The following SGO1 variants were observed in gnomAD, a reference collection of about 807,000 sequenced individuals.
SGO1 encodes the protein serologically defined breast cancer antigen NY-BR-85.
In SGO1, 39 loss-of-function variants were observed where a neutral mutation model predicts 50.5. The ratio of observed to expected loss-of-function variants is 0.77; its 90% confidence interval spans 0.60 to 1.01. SGO1 has a LOEUF of 1.01. SGO1 is among the 50% of genes least tolerant of loss of function. SGO1 has a pLI of 0.00. For missense variants in SGO1, 638 were observed against 606.0 expected (o/e 1.05, Z -0.55); for synonymous variants, 191 against 205.1 (o/e 0.93, Z 0.59).
At chr3:20,178,594 T>G (rs933420924) in intron 3 of SGO1, among the ~76,000 whole-genome samples, 2 of 152,192 alleles carry the variant, frequency 1.3e-5, no homozygotes, top group African/African-American at 4.8e-5. Flanking sequence ...ATAAATGTCA[T>G]GAAGGAAATA....
chr3:20,162,117 G>A (rs911549680), intron 8 of SGO1, among the ~76,000 whole-genome samples: 9 of 152,250 alleles, frequency 5.9e-5, no homozygotes, highest in Middle Eastern at 3.4e-3. Context: ...AGTAATAGAC[G>A]GGAAAGAGCT....
At chr3:20,176,848 A>G (rs1395456972) in intron 4 of SGO1, among the ~76,000 whole-genome samples, 189 bp from the exon 5 acceptor site, 1 of 152,214 alleles carries the variant, frequency 6.6e-6, no homozygotes, top group South Asian at 2.1e-4. Context: ...CTGATTTGTT[A>G]TGACTGACAT....
chr3:20,171,696 C>G (rs117466143), intron 6 of SGO1, among the ~76,000 whole-genome samples: 1 of 152,160 alleles, frequency 6.6e-6, no homozygotes, highest in Non-Finnish European at 1.5e-5. Context: ...ATCAAGTCCT[C>G]TCTCTTTCAA....
chr3:20,174,009 T>C (rs140953331), intron 6 of SGO1, among the ~76,000 whole-genome samples: 3 of 152,298 alleles, frequency 2.0e-5, no homozygotes, highest in South Asian at 2.1e-4. Flanking sequence ...CCTAATTTAC[T>C]GAAAATAAAA....
chr3:20,163,762 A>C (rs1217100905), intron 8 of SGO1, among the ~76,000 whole-genome samples: 2 of 152,192 alleles, frequency 1.3e-5, no homozygotes, highest in Non-Finnish European at 2.9e-5. Context: ...GAATGAAAAG[A>C]GAGGAGGATA....
At chr3:20,173,358 T>C (rs1700994361) in intron 6 of SGO1, among the ~76,000 whole-genome samples, 1 of 152,164 alleles carries the variant, frequency 6.6e-6, no homozygotes, top group African/African-American at 2.4e-5. Context: ...CAGGCTGGTC[T>C]TGGACTCCTG....
chr3:20,169,085 A>G (rs1700470758), downstream of SGO1: 1 of 985,280 alleles, frequency 1.0e-6, no homozygotes, highest in Non-Finnish European at 1.2e-6. Context: ...GGGTGTATGA[A>G]TCAGTGATGT....
Position 20,170,691 on chromosome 3 carries a change from TC to T in SGO1, c.*12del. 6.4e-7 allele frequency: 1 copy of T among 1,558,522 alleles called. No homozygotes were observed. Among genetic ancestry groups the T allele is most frequent in the Admixed American group, 2.2e-5 (1 of 45,200 alleles). On this transcript the variant is annotated 3_prime_UTR_variant, in exon 8 of 8. Transcript: ENST00000412997. ...AGGTGTAGATTGAATTTAAACAATATCCAACAAAACCTTCATTGTATTTGTT... is the reference window on the plus strand; with the variant it reads ...AGGTGTAGATTGAATTTAAACAATATCAACAAAACCTTCATTGTATTTGTT...
Position 20,183,652 on chromosome 3 carries a change from A to G in SGO1, c.295T>C (p.Leu99=), listed in dbSNP as rs1234405818. The change falls in exon 3 of 8, where the codon TTG becomes CTG. Residue 99 remains leucine, a synonymous_variant. Transcript: ENST00000412997. ...TGTTGTGATGTAAGTTTTCCTTTCA[A>G]TGCATATAGCTGACATGTGAGATAG... ...CYYLTCQLYA[L]KGKLTSQQTV... is the part of the protein sequence containing the mutation. 1.2e-6 allele frequency: 2 copies of G among 1,603,860 alleles called. No individual in the cohort carries two copies. The highest frequency in any genetic ancestry group is 1.8e-5 in the Admixed American group (1 of 57,036).
At chr3:20,169,387 C>T, downstream of SGO1, 7 of 984,446 alleles carry the variant, frequency 7.1e-6, no homozygotes, top group Non-Finnish European at 7.2e-6. Flanking sequence ...AAAGAGAATA[C>T]CAAGGGGAGG....
intron 6 of SGO1, among the ~76,000 whole-genome samples, chr3:20,172,467 C>CTGTA (rs1210677964): frequency 7.2e-6 from 1 of 138,498 alleles, no homozygotes; most frequent in Non-Finnish European, 1.5e-5. Context: ...TGCCACTGCA[C>CTGTA]TGTAGCCTGG....
At chr3:20,167,122 G>C (rs1559345517), downstream of SGO1, among the ~76,000 whole-genome samples, 1 of 152,002 alleles carries the variant, frequency 6.6e-6, no homozygotes, top group Non-Finnish European at 1.5e-5. Context: ...AACAAATAAA[G>C]CAATGCAAAG....
At chr3:20,171,463 C>T (rs1305969524) in intron 6 of SGO1, among the ~76,000 whole-genome samples, 1 of 152,118 alleles carries the variant, frequency 6.6e-6, no homozygotes, top group Non-Finnish European at 1.5e-5. Flanking sequence ...TTCAGTCTTC[C>T]AAGTAGCTGG....
intron 6 of SGO1, among the ~76,000 whole-genome samples, chr3:20,172,808 A>C (rs1170665870): frequency 6.6e-6 from 1 of 150,876 alleles, no homozygotes; most frequent in African/African-American, 2.4e-5. Flanking sequence ...AAAAAAAAAA[A>C]AAAAAAAATT....
downstream of SGO1, chr3:20,168,941 A>C: frequency 2.0e-6 from 2 of 985,328 alleles, no homozygotes; most frequent in Middle Eastern, 5.2e-4. Flanking sequence ...CTGGCTGAGA[A>C]ACTGACTTTT....
chr3:20,184,448 G>A (rs1702390927), intron 1 of SGO1, among the ~76,000 whole-genome samples: 3 of 152,154 alleles, frequency 2.0e-5, no homozygotes, highest in South Asian at 4.1e-4. Context: ...TTAGTTCTGA[G>A]GCAATTATAT....
chr3:20,171,075 G>A lies in SGO1; in HGVS notation c.1440C>T (p.Ala480=), dbSNP rs748152248. The A allele has an allele frequency of 1.9e-6, 3 of 1,603,430 alleles. No homozygotes were observed. Among genetic ancestry groups the A allele is most frequent in the Admixed American group, 3.5e-5 (2 of 56,634 alleles). Residue 480 remains alanine (A), a synonymous_variant, in exon 7 of 8, where the codon GCC becomes GCT. Transcript: ENST00000412997. ...AVALPKRRCT[A]SVNYKEPTLA... Reference sequence around the variant, plus strand: ...GGGTGGGCTCCTTATAGTTCACGCTGGCTGTGCACCTACGTTTAGGCAGAG... The same window carrying A: ...GGGTGGGCTCCTTATAGTTCACGCTAGCTGTGCACCTACGTTTAGGCAGAG...
chr3:20,162,800 TA>T (rs544888308), intron 8 of SGO1, among the ~76,000 whole-genome samples: 7,956 of 142,324 alleles, frequency 0.056, 265 homozygotes, highest in Admixed American at 0.077. Flanking sequence ...TTTCTAGAGG[TA>T]AAAAAAAAAA....
At chr3:20,172,240 G>A (rs1231499529) in intron 6 of SGO1, among the ~76,000 whole-genome samples, 3 of 152,164 alleles carry the variant, frequency 2.0e-5, no homozygotes, top group South Asian at 2.1e-4. Flanking sequence ...GGTGGCTCAC[G>A]CCAGTAATCC....
Sources: allele counts gnomAD v4.1 joint callset (sites outside exome capture counted in the v4.1 genomes callset), GRCh38; gene constraint gnomAD v4.1.1; transcripts MANE v1.5; gene names NCBI Gene and HGNC (gene_info 2026-07-23, HGNC 2026-07-21).